The following RAB2A variants were observed in gnomAD, a reference collection of about 807,000 sequenced individuals.
RAB2A encodes the protein ras-related protein Rab-2A.
In RAB2A, 7 loss-of-function variants were observed where a neutral mutation model predicts 32.5. The observed-to-expected ratio is 0.22, with a 90% CI of 0.12 to 0.40. The LOEUF is 0.40. Ranked by LOEUF, RAB2A falls within the 10% of genes least tolerant of loss-of-function variation. The pLI is 1.00. For missense variants in RAB2A, 108 were observed against 260.7 expected (o/e 0.41, Z 4.03); for synonymous variants, 79 against 85.2 (o/e 0.93, Z 0.40).
At chr8:60,528,060 C>G (rs534504454) in intron 1 of RAB2A, among the ~76,000 whole-genome samples, 2 of 152,316 alleles carry the variant, frequency 1.3e-5, no homozygotes, top group South Asian at 4.1e-4. Context: ...TTCCTGATTC[C>G]CATAAATTTC....
intron 1 of RAB2A, among the ~76,000 whole-genome samples, chr8:60,535,398 C>T (rs1349513959): frequency 2.0e-5 from 3 of 152,094 alleles, no homozygotes; most frequent in African/African-American, 7.2e-5. Flanking sequence ...CTCTATAAGC[C>T]TGTGTGTGTG....
At chr8:60,527,256 A>G in intron 1 of RAB2A, among the ~76,000 whole-genome samples, 1 of 152,178 alleles carries the variant, frequency 6.6e-6, no homozygotes, top group Non-Finnish European at 1.5e-5. Flanking sequence ...TGACCCAATC[A>G]GCTCCCACCA....
At chr8:60,545,117 C>T (rs976764179) in intron 1 of RAB2A, among the ~76,000 whole-genome samples, 2 of 152,060 alleles carry the variant, frequency 1.3e-5, no homozygotes, top group Admixed American at 6.6e-5. Flanking sequence ...CTAATATTGA[C>T]GAATCCTGCA....
At chr8:60,560,702 A>G (rs900358171) in intron 2 of RAB2A, among the ~76,000 whole-genome samples, 3 of 151,108 alleles carry the variant, frequency 2.0e-5, no homozygotes, top group African/African-American at 7.3e-5. Flanking sequence ...ACAAATTCAT[A>G]TATTTTCTTG....
At chr8:60,582,801 G>T (rs1803783493) in intron 3 of RAB2A, among the ~76,000 whole-genome samples, 1 of 152,170 alleles carries the variant, frequency 6.6e-6, no homozygotes, top group Non-Finnish European at 1.5e-5. Flanking sequence ...ACCTTGAGCA[G>T]TAGGATATAA....
chr8:60,531,047 T>C (rs1225114856), intron 1 of RAB2A, among the ~76,000 whole-genome samples: 1 of 152,254 alleles, frequency 6.6e-6, no homozygotes, highest in African/African-American at 2.4e-5. Flanking sequence ...TCACCAAGAC[T>C]CAGGGTTTTG....
intron 3 of RAB2A, among the ~76,000 whole-genome samples, chr8:60,580,096 A>G (rs1190800900): frequency 6.6e-6 from 1 of 150,514 alleles, no homozygotes; most frequent in Non-Finnish European, 1.5e-5. Flanking sequence ...TCCTGGCTTC[A>G]AGTGATTCTC....
In RAB2A at chr8:60,596,013, G is replaced by C. The variant is rs901261825; in HGVS notation, c.474+4044G>C. On this transcript the variant is annotated intron_variant, in intron 6 of 7. Transcript: ENST00000262646. ...AGTCTTGAATTACAAAAAACACATT[G>C]AACTGAATGAAAATACAACATACCA... Among the ~76,000 whole-genome samples the C allele has an allele frequency of 9.2e-5, 14 of 152,130 alleles. 1 individual carries two copies. The highest frequency in any genetic ancestry group is 2.1e-4 in the South Asian group (1 of 4,828).
In RAB2A at chr8:60,620,753, G is replaced by C; in HGVS notation, c.623G>C (p.Gly208Ala). The C allele has an allele frequency of 6.2e-7, 1 of 1,613,402 alleles. No homozygotes were observed. The highest frequency in any genetic ancestry group is 8.5e-7 in the Non-Finnish European group (1 of 1,179,834). ...GGCAATCAGGGAGGACAGCAGGCTG[G>C]GGGCGGCTGCTGTTGAGTCTGTTTT... ...HAGNQGGQQAGGGCC is the reference protein window; with the variant it reads ...HAGNQGGQQAAGGCC Residue 208 changes from glycine to alanine, a missense_variant, in exon 8 of 8, where the codon GGG becomes GCG. Transcript: ENST00000262646.
At chr8:60,556,028 T>TA (rs913664976) in intron 1 of RAB2A, among the ~76,000 whole-genome samples, 16 of 152,270 alleles carry the variant, frequency 1.1e-4, no homozygotes, top group African/African-American at 3.8e-4. Context: ...TATTCAGCCA[T>TA]AAAAAAGGAT....
chr8:60,585,568 C>T (rs1733993837), intron 5 of RAB2A, among the ~76,000 whole-genome samples: 1 of 152,122 alleles, frequency 6.6e-6, no homozygotes, highest in African/African-American at 2.4e-5. Context: ...CCACCTGGGC[C>T]TCCAAAAGTA....
At chr8:60,577,792 ATTTTTTTTTT>A (rs3055112) in intron 3 of RAB2A, among the ~76,000 whole-genome samples, 3 of 112,942 alleles carry the variant, frequency 2.7e-5, no homozygotes, top group East Asian at 2.7e-4. Flanking sequence ...CGCCCGGCTA[ATTTTTTTTTT>A]TTTTTTTTTT....
chr8:60,539,544 G>A (rs772489184), intron 1 of RAB2A, among the ~76,000 whole-genome samples: 1 of 152,156 alleles, frequency 6.6e-6, no homozygotes, highest in Non-Finnish European at 1.5e-5. Flanking sequence ...TAAACTGGTC[G>A]TGTACTTTGA....
intron 1 of RAB2A, among the ~76,000 whole-genome samples, chr8:60,525,512 G>A (rs373476499): frequency 2.6e-5 from 4 of 152,150 alleles, no homozygotes; most frequent in East Asian, 1.9e-4. Context: ...CTGACTCCAC[G>A]GGCCATTCTC....
intron 2 of RAB2A, among the ~76,000 whole-genome samples, chr8:60,568,075 C>T (rs1425289806): frequency 6.6e-6 from 1 of 152,130 alleles, no homozygotes; most frequent in African/African-American, 2.4e-5. Context: ...GCCACCTTCC[C>T]TCAAGTCTCC....
At chr8:60,528,608 G>T (rs1807428040) in intron 1 of RAB2A, among the ~76,000 whole-genome samples, 4 of 151,994 alleles carry the variant, frequency 2.6e-5, no homozygotes, top group Admixed American at 2.6e-4. Context: ...CCCTGTGTTG[G>T]CGTTTTTATT....
intron 1 of RAB2A, among the ~76,000 whole-genome samples, chr8:60,543,864 C>A (rs966166870): frequency 1.1e-4 from 17 of 151,978 alleles, no homozygotes; most frequent in Non-Finnish European, 1.9e-4. Flanking sequence ...CGGTTCAAGA[C>A]CAGCTTGGCC....
chr8:60,608,495 TTCTTCCTCTC>T (rs1804276369), intron 6 of RAB2A, among the ~76,000 whole-genome samples: 1 of 70,878 alleles, frequency 1.4e-5, no homozygotes. Flanking sequence ...CTTCCTCTCC[TTCTTCCTCTC>T]CTTCTTCCTC....
chr8:60,528,308 G>A (rs190897494), intron 1 of RAB2A, among the ~76,000 whole-genome samples: 3 of 152,284 alleles, frequency 2.0e-5, no homozygotes, highest in African/African-American at 4.8e-5. Flanking sequence ...ATGAATAAAT[G>A]ATATCATATG....
Sources: allele counts gnomAD v4.1 joint callset (sites outside exome capture counted in the v4.1 genomes callset), GRCh38; gene constraint gnomAD v4.1.1; transcripts MANE v1.5; gene names NCBI Gene and HGNC (gene_info 2026-07-23, HGNC 2026-07-21).